The following CELF2 variants were observed in gnomAD, a reference collection of about 807,000 sequenced individuals.
The protein encoded by CELF2 is CUGBP Elav-like family member 2.
CELF2 carries 8 observed loss-of-function variants against 62.6 expected under a neutral mutation model. The ratio of observed to expected loss-of-function variants is 0.13; its 90% CI spans 0.07 to 0.23. The LOEUF (loss-of-function observed/expected upper bound fraction) is 0.23. CELF2 is among the 10% of genes least tolerant of loss of function. CELF2 has a pLI of 1.00. For synonymous variants in CELF2, 258 were observed against 250.0 expected, an observed-to-expected ratio of 1.03 and a Z score of -0.30; for missense variants, 333 against 671.0, an observed-to-expected ratio of 0.50 and a Z score of 5.56.
intron 5 of CELF2, among the ~76,000 whole-genome samples, chr10:11,262,357 C>T (rs2080905113): frequency 6.6e-6 from 1 of 152,170 alleles, no homozygotes; most frequent in African/African-American, 2.4e-5. Flanking sequence ...TGGGCAAACA[C>T]AGCGAGATGC....
At chr10:11,113,720 G>A (rs981672891) in intron 1 of CELF2, among the ~76,000 whole-genome samples, 1 of 152,166 alleles carries the variant, frequency 6.6e-6, no homozygotes, top group Non-Finnish European at 1.5e-5. Context: ...AGTCCACCTC[G>A]ACCTGGGTTC....
the CELF2 span, among the ~76,000 whole-genome samples, chr10:10,763,868 C>G: frequency 6.6e-6 from 1 of 152,154 alleles, no homozygotes; most frequent in African/African-American, 2.4e-5. Flanking sequence ...GAGAATTGTG[C>G]TATTGTATTA....
chr10:10,807,764 C>G (rs1255978195), intron 1 of CELF2, among the ~76,000 whole-genome samples: 1 of 152,158 alleles, frequency 6.6e-6, no homozygotes, highest in African/African-American at 2.4e-5. Context: ...TTCCTTATCA[C>G]TTTACCAAGT....
At chr10:10,637,945 A>G in the CELF2 span, among the ~76,000 whole-genome samples, 3 of 152,220 alleles carry the variant, frequency 2.0e-5, no homozygotes, top group Admixed American at 1.3e-4. Context: ...TTGACAGAAG[A>G]AAAGAAAAAT....
chr10:10,924,237 G>C (rs1488949367), intron 2 of CELF2, among the ~76,000 whole-genome samples: 2 of 125,474 alleles, frequency 1.6e-5, no homozygotes, highest in Non-Finnish European at 1.6e-5. Context: ...AGCCGAGATC[G>C]CGCCACTGCA....
At chr10:11,144,900 G>GAAAAAAAAAA (rs397846995) in intron 1 of CELF2, among the ~76,000 whole-genome samples, 4 of 74,094 alleles carry the variant, frequency 5.4e-5, no homozygotes, top group Non-Finnish European at 7.5e-5. Flanking sequence ...TCAGGAAACA[G>GAAAAAAAAAA]AAAAAAAAAA....
chr10:10,727,319 A>T, the CELF2 span, among the ~76,000 whole-genome samples: 1 of 152,182 alleles, frequency 6.6e-6, no homozygotes, highest in African/African-American at 2.4e-5. Context: ...TTCTTTATGA[A>T]GCCACCTGTC....
rs534474777 is a variant in CELF2, at chr10:10,884,152, C to T, written c.54-35812C>T. Among the ~76,000 whole-genome samples, 14 of 152,274 alleles carry T rather than the reference C, an allele frequency of 9.2e-5. No individual in the cohort carries two copies. In the South Asian group the frequency reaches 2.7e-3, roughly 29 times the overall value. Reference sequence around the variant, plus strand: ...ATGGAAAGAAAAAAGAATAACACCACGAAATAAAAACAGCCAAGAGTGAGT... The same window carrying T: ...ATGGAAAGAAAAAAGAATAACACCATGAAATAAAAACAGCCAAGAGTGAGT... On this transcript the variant is annotated intron_variant, in intron 1 of 13. Transcript: ENST00000636488.
the CELF2 span, among the ~76,000 whole-genome samples, chr10:10,538,455 C>T: frequency 6.6e-6 from 1 of 152,280 alleles, no homozygotes; most frequent in South Asian, 2.1e-4. Context: ...ATCTTTGCCA[C>T]TCCCTATGCT....
chr10:10,762,106 G>A, the CELF2 span, among the ~76,000 whole-genome samples: 1 of 152,100 alleles, frequency 6.6e-6, no homozygotes, highest in Admixed American at 6.5e-5. Flanking sequence ...TTCTAAAATT[G>A]GGAGAGAGAC....
In CELF2 at chr10:11,314,985, T is replaced by C. The variant is rs1282239732; in HGVS notation, c.1096+727T>C. 6.6e-6 allele frequency among the ~76,000 whole-genome samples: 1 copy of C among 152,082 alleles called. No homozygotes were observed. The highest frequency in any genetic ancestry group is 1.5e-5 in the Non-Finnish European group (1 of 68,006). ...AGGCAAATCACTTAGAAAATTGTAC[T>C]TGGTTCCGAAACATATGGATGGACT... On this transcript the variant is annotated intron_variant, in intron 10 of 12. Transcript: ENST00000633077. The surrounding 1 kb of genome is among the most constrained non-coding windows in gnomAD (Gnocchi z 5.3).
At chr10:10,630,483 A>G in the CELF2 span, among the ~76,000 whole-genome samples, 7 of 152,198 alleles carry the variant, frequency 4.6e-5, no homozygotes, top group Non-Finnish European at 7.3e-5. Flanking sequence ...CACTGCAGAA[A>G]GAGGCTGAAA....
At chr10:10,946,359 C>A (rs2047682105) in intron 2 of CELF2, 1 of 152,458 alleles carries the variant, frequency 6.6e-6, no homozygotes, top group African/African-American at 2.4e-5. Context: ...TGTGTCATTC[C>A]ATCCAGAGGG....
intron 1 of CELF2, among the ~76,000 whole-genome samples, chr10:11,115,347 G>A (rs977722037): frequency 6.6e-6 from 1 of 152,182 alleles, no homozygotes; most frequent in East Asian, 1.9e-4. Flanking sequence ...TGCTACAGGC[G>A]TTTAACATAC....
intron 11 of CELF2, 95 bp from the exon 12 acceptor site, chr10:11,325,741 G>T: frequency 9.0e-7 from 1 of 1,113,682 alleles, no homozygotes; most frequent in Non-Finnish European, 1.3e-6. Context: ...TCAACTAAAT[G>T]CTTAGCCTAC....
At chr10:10,979,763 A>G (rs1003608414) in intron 2 of CELF2, among the ~76,000 whole-genome samples, 1 of 152,124 alleles carries the variant, frequency 6.6e-6, no homozygotes, top group Admixed American at 6.6e-5. Flanking sequence ...AAAGTTGACA[A>G]TGCCCGTAAG....
intron 1 of CELF2, among the ~76,000 whole-genome samples, chr10:10,899,002 A>T (rs1186797250): frequency 6.6e-6 from 1 of 152,250 alleles, no homozygotes; most frequent in African/African-American, 2.4e-5. Context: ...AATGGGTCAA[A>T]TACATCAAAT....
chr10:10,603,089 A>T, the CELF2 span, among the ~76,000 whole-genome samples: 8 of 137,992 alleles, frequency 5.8e-5, no homozygotes, highest in African/African-American at 2.1e-4. Flanking sequence ...TTTTCAGCAA[A>T]TCACACTCAA....
chr10:10,845,415 T>G (rs921521440), intron 1 of CELF2, among the ~76,000 whole-genome samples: 1 of 150,290 alleles, frequency 6.7e-6, no homozygotes, highest in South Asian at 2.1e-4. Context: ...CCTTAAACTT[T>G]ACAATGAAAC....
Sources: allele counts gnomAD v4.1 joint callset (sites outside exome capture counted in the v4.1 genomes callset), GRCh38; gene constraint gnomAD v4.1.1; non-coding constraint Gnocchi (gnomAD v3.1); transcripts MANE v1.5; gene names NCBI Gene and HGNC (gene_info 2026-07-23, HGNC 2026-07-21).